The following TMEM170B variants were observed in gnomAD, a reference collection of about 807,000 sequenced individuals.
TMEM170B encodes transmembrane protein 170B.
TMEM170B carries 6 observed loss-of-function variants against 13.0 expected under a neutral mutation model. That is an observed-to-expected ratio of 0.46 (90% confidence interval 0.25 to 0.91). The LOEUF (loss-of-function observed/expected upper bound fraction) is 0.91. Ranked by LOEUF, TMEM170B falls within the 40% of genes least tolerant of loss-of-function variation. The probability of loss-of-function intolerance (pLI) is 0.17; values close to 1 mark genes in which losing one functional copy is unlikely to be tolerated. For synonymous variants in TMEM170B, 61 were observed against 64.9 expected (o/e 0.94, Z 0.29); for missense variants, 138 against 165.2 (o/e 0.84, Z 0.90).
At position 11,537,872 on chromosome 6, in the gene TMEM170B, C is replaced by T. The variant is rs1042560265; in HGVS notation, c.-406C>T. ...GGGCCCTGTCGGGGGCTGCACCTGC[C>T]GGCTGCCCATCAGCACCGGCCTCCT... On this transcript the variant is annotated 5_prime_UTR_variant, in exon 1 of 3. Coordinates refer to ENST00000379426, the MANE Select transcript of TMEM170B (RefSeq NM_001100829.3). Among the ~76,000 whole-genome samples, 1 of 151,714 alleles carries T rather than the reference C, an allele frequency of 6.6e-6. No homozygotes were observed. The highest frequency in any genetic ancestry group is 1.5e-5 in the Non-Finnish European group (1 of 67,842).
rs1369155068 is a variant in TMEM170B at position 11,550,528 on chromosome 6, TAAA to T, written c.97+12159_97+12161del. ...CCTGACGGATTGTATGATTCTTATATAAAAAAACGTATACCCAGGGTTTTGGTA... is the reference window on the plus strand; with the variant it reads ...CCTGACGGATTGTATGATTCTTATATAAAACGTATACCCAGGGTTTTGGTA... On this transcript the variant is annotated intron_variant, in intron 1 of 2. Coordinates refer to ENST00000379426, the MANE Select transcript of TMEM170B (RefSeq NM_001100829.3). Among the ~76,000 whole-genome samples the T allele has an allele frequency of 2.0e-5, 3 of 152,082 alleles. No homozygotes were observed. The East Asian group carries it at 5.8e-4, about 29-fold the overall frequency.
At chr6:11,569,267 G>T (rs183724842) in intron 2 of TMEM170B, among the ~76,000 whole-genome samples, 38 of 152,124 alleles carry the variant, frequency 2.5e-4, no homozygotes, top group Admixed American at 1.4e-3. Context: ...CTTCATCCAT[G>T]ATATCATTTA....
intron 1 of TMEM170B, among the ~76,000 whole-genome samples, chr6:11,547,968 G>T: frequency 6.6e-6 from 1 of 152,084 alleles, no homozygotes; most frequent in Middle Eastern, 3.2e-3. Context: ...CAATTTCTAG[G>T]GATATGTTTT....
intron 2 of TMEM170B, among the ~76,000 whole-genome samples, chr6:11,570,420 A>G (rs1332734944): frequency 6.6e-6 from 1 of 152,194 alleles, no homozygotes; most frequent in African/African-American, 2.4e-5. Flanking sequence ...AAAAGGGTTA[A>G]GGCAGAAGAG....
intron 1 of TMEM170B, among the ~76,000 whole-genome samples, chr6:11,552,019 A>T (rs1312722240): frequency 6.6e-6 from 1 of 152,190 alleles, no homozygotes; most frequent in African/African-American, 2.4e-5. Context: ...AGGCCTGCGT[A>T]TCAGAATCAC....
chr6:11,564,663 A>C (rs1344426285), intron 1 of TMEM170B, among the ~76,000 whole-genome samples: 2 of 152,226 alleles, frequency 1.3e-5, no homozygotes, highest in Non-Finnish European at 2.9e-5. Flanking sequence ...GATGGTAATG[A>C]GTCAGGCCTT....
chr6:11,548,415 G>A (rs1044345149), intron 1 of TMEM170B, among the ~76,000 whole-genome samples: 1 of 152,170 alleles, frequency 6.6e-6, no homozygotes, highest in Non-Finnish European at 1.5e-5. Context: ...TCATTAAAAA[G>A]TCAGGAAACA....
chr6:11,544,629 T>C (rs1048094507), intron 1 of TMEM170B, among the ~76,000 whole-genome samples: 3 of 152,226 alleles, frequency 2.0e-5, no homozygotes, highest in African/African-American at 7.2e-5. Context: ...TCCCCTACCT[T>C]GGAAGACACT....
Position 11,579,866 on chromosome 6 carries a change from T to C in TMEM170B, c.*4305T>C, listed in dbSNP as rs1468930568. The C allele has an allele frequency of 6.6e-6, 1 of 152,248 alleles. No homozygotes were observed. The highest frequency in any genetic ancestry group is 1.5e-5 in the Non-Finnish European group (1 of 68,048). 9.4% of individuals were successfully genotyped at this position (152,248 alleles called of 1,614,324 possible). On this transcript the variant is annotated 3_prime_UTR_variant, in exon 3 of 3. Coordinates refer to ENST00000379426, the MANE Select transcript of TMEM170B (RefSeq NM_001100829.3). ...AGCGATATATAACCCTTCAGTCTTC[T>C]ATATGTCTGTTTCTTCTGCCGGCCC... is the stretch of plus-strand genomic sequence containing the variant.
chr6:11,542,219 A>C (rs940039934), intron 1 of TMEM170B, among the ~76,000 whole-genome samples: 1 of 152,188 alleles, frequency 6.6e-6, no homozygotes, highest in Non-Finnish European at 1.5e-5. Context: ...GGATTAGCTC[A>C]TCAAAGGGTT....
chr6:11,568,079 T>A (rs905671473), intron 2 of TMEM170B, among the ~76,000 whole-genome samples: 1 of 151,442 alleles, frequency 6.6e-6, no homozygotes, highest in African/African-American at 2.4e-5. Context: ...AACATATAGG[T>A]TTGATGGATA....
At chr6:11,558,769 A>G (rs796696610) in intron 1 of TMEM170B, among the ~76,000 whole-genome samples, 37 of 152,346 alleles carry the variant, frequency 2.4e-4, no homozygotes, top group African/African-American at 8.9e-4. Flanking sequence ...CATCACGTAC[A>G]TACTGTACTC....
chr6:11,572,618 T>C (rs903947316), intron 2 of TMEM170B, among the ~76,000 whole-genome samples: 2 of 152,118 alleles, frequency 1.3e-5, no homozygotes, highest in Admixed American at 6.6e-5. Flanking sequence ...ATTACGTGAG[T>C]AATATATGAT....
At chr6:11,546,988 G>A (rs1003602827) in intron 1 of TMEM170B, among the ~76,000 whole-genome samples, 4 of 152,096 alleles carry the variant, frequency 2.6e-5, no homozygotes, top group East Asian at 1.9e-4. Flanking sequence ...ATATGAATGC[G>A]GTCTCTCGCT....
Position 11,540,369 on chromosome 6 carries a change from A to G in TMEM170B, c.97+1995A>G, listed in dbSNP as rs1431806545. On this transcript the variant is annotated intron_variant, in intron 1 of 2. Transcript: ENST00000379426. ...CAACCGAGTTTATCTAATAGTCTAA[A>G]TCCTTTGTTGTCATTTCCACGGTGT... Among the ~76,000 whole-genome samples the G allele has an allele frequency of 5.3e-5, 8 of 152,300 alleles. No homozygotes were observed. The East Asian group carries it at 1.5e-3, about 29-fold the overall frequency.
At chr6:11,559,495 T>TA (rs1423453374) in intron 1 of TMEM170B, among the ~76,000 whole-genome samples, 3 of 152,166 alleles carry the variant, frequency 2.0e-5, no homozygotes, top group Admixed American at 6.5e-5. Context: ...TTCTTGATTT[T>TA]AAAAAATCAT....
At position 11,580,368 on chromosome 6, in the gene TMEM170B, C is replaced by G. The variant is rs1013897643; in HGVS notation, c.*4807C>G. 5 of 152,016 alleles carry G rather than the reference C, an allele frequency of 3.3e-5. No homozygotes were observed. Among genetic ancestry groups the G allele is most frequent in the African/African-American group, 1.2e-4 (5 of 41,378 alleles). The allele number at this position is 152,016 out of a possible 1,614,324, so 9.4% of individuals were successfully genotyped here. ...TTAAATTTATGTTCATTATGTAATT[C>G]AGGGAGTAACGATGCCTGGAGCAAT... is the stretch of plus-strand genomic sequence containing the variant. On this transcript the variant is annotated 3_prime_UTR_variant, in exon 3 of 3. Coordinates refer to ENST00000379426, the MANE Select transcript of TMEM170B (RefSeq NM_001100829.3).
intron 2 of TMEM170B, among the ~76,000 whole-genome samples, chr6:11,573,780 A>G (rs1331359816): frequency 6.6e-6 from 1 of 152,186 alleles, no homozygotes; most frequent in Non-Finnish European, 1.5e-5. Flanking sequence ...GAAGATAGTC[A>G]TATAAATCTA....
intron 2 of TMEM170B, among the ~76,000 whole-genome samples, chr6:11,574,611 A>G (rs1445586540): frequency 6.6e-6 from 1 of 152,154 alleles, no homozygotes; most frequent in African/African-American, 2.4e-5. Context: ...GTGGGATGGC[A>G]TATTATAATT....
Sources: allele counts gnomAD v4.1 joint callset (sites outside exome capture counted in the v4.1 genomes callset), GRCh38; gene constraint gnomAD v4.1.1; transcripts MANE v1.5; gene names NCBI Gene and HGNC (gene_info 2026-07-23, HGNC 2026-07-21).